FMN1: variants seen among roughly 807,000 people sequenced by gnomAD.
The protein encoded by FMN1 is formin-1.
Under a neutral mutation model 132.4 loss-of-function variants are expected in FMN1, and 110 were observed. The observed-to-expected ratio is 0.83, with a 90% CI of 0.71 to 0.97. The LOEUF (loss-of-function observed/expected upper bound fraction) is 0.97, where lower values mean the gene tolerates loss of function less well. Ranked by LOEUF, FMN1 falls within the 50% of genes least tolerant of loss-of-function variation. The pLI, the probability that FMN1 is intolerant of heterozygous loss-of-function variation, is 0.00. For synonymous variants in FMN1, 722 were observed against 651.7 expected, an observed-to-expected ratio of 1.11 and a Z score of -1.64; for missense variants, 1,792 against 1,705.3, an observed-to-expected ratio of 1.05 and a Z score of -0.90.
chr15:32,933,021 C>T (rs936348258), intron 9 of FMN1, among the ~76,000 whole-genome samples: 1 of 152,032 alleles, frequency 6.6e-6, no homozygotes, highest in African/African-American at 2.4e-5. Context: ...ATTTCTTTTA[C>T]TAACTTTGGG....
chr15:32,964,873 A>T (rs936621251), intron 8 of FMN1, among the ~76,000 whole-genome samples: 1 of 151,854 alleles, frequency 6.6e-6, no homozygotes, highest in Non-Finnish European at 1.5e-5. Flanking sequence ...CCAACCAAAA[A>T]CCTCCTCCAT....
At chr15:32,997,336 T>A (rs2033832781) in intron 7 of FMN1, among the ~76,000 whole-genome samples, 1 of 151,734 alleles carries the variant, frequency 6.6e-6, no homozygotes, top group African/African-American at 2.4e-5. Context: ...TTTTTTTTTT[T>A]AATCACATGG....
chr15:32,843,835 T>A (rs568713368), intron 17 of FMN1, among the ~76,000 whole-genome samples: 1 of 152,226 alleles, frequency 6.6e-6, no homozygotes, highest in Admixed American at 6.5e-5. Context: ...CTTCTAAATG[T>A]TGAGCACTCA....
intron 17 of FMN1, among the ~76,000 whole-genome samples, chr15:32,835,547 G>A (rs1211760938): frequency 6.6e-6 from 1 of 152,118 alleles, no homozygotes; most frequent in Non-Finnish European, 1.5e-5. Flanking sequence ...TCAAAAACTT[G>A]GCAGTTTTCT....
chr15:32,889,285 A>G (rs1371078324), intron 15 of FMN1, among the ~76,000 whole-genome samples: 1 of 152,184 alleles, frequency 6.6e-6, no homozygotes, highest in Non-Finnish European at 1.5e-5. Flanking sequence ...TGAGCCTCAA[A>G]TATCTTTTCC....
intron 15 of FMN1, among the ~76,000 whole-genome samples, chr15:32,889,242 G>C (rs1228102450): frequency 6.6e-6 from 1 of 152,212 alleles, no homozygotes; most frequent in Non-Finnish European, 1.5e-5. Flanking sequence ...TCTCAGCTGA[G>C]AAACATCTTG....
chr15:32,903,271 T>A (rs2060340632), intron 12 of FMN1, among the ~76,000 whole-genome samples: 1 of 152,252 alleles, frequency 6.6e-6, no homozygotes, highest in Non-Finnish European at 1.5e-5. Flanking sequence ...AATTATCTGA[T>A]GAAGTATAAA....
intron 9 of FMN1, among the ~76,000 whole-genome samples, chr15:32,936,597 C>T (rs1399278864): frequency 2.6e-5 from 4 of 151,460 alleles, no homozygotes; most frequent in Admixed American, 2.6e-4. Context: ...TGTCAAGTCC[C>T]ATGAACACAC....
At chr15:33,132,466 A>G (rs756521131) in intron 4 of FMN1, among the ~76,000 whole-genome samples, 21 of 152,168 alleles carry the variant, frequency 1.4e-4, no homozygotes, top group Non-Finnish European at 2.8e-4. Context: ...TTTCTTTCCA[A>G]TGTAGCCCAC....
chr15:33,030,121 G>A (rs965243933), intron 6 of FMN1, among the ~76,000 whole-genome samples: 22 of 152,238 alleles, frequency 1.4e-4, no homozygotes, highest in Non-Finnish European at 2.9e-5. Context: ...TTGCACCACT[G>A]CACTCCAGCC....
chr15:32,896,504 T>C (rs2060160395), intron 15 of FMN1, among the ~76,000 whole-genome samples: 1 of 152,120 alleles, frequency 6.6e-6, no homozygotes, highest in Non-Finnish European at 1.5e-5. Context: ...TTGTTAGCCA[T>C]GTGTATTATT....
At chr15:32,891,780 C>T (rs927443547) in intron 15 of FMN1, among the ~76,000 whole-genome samples, 2 of 151,912 alleles carry the variant, frequency 1.3e-5, no homozygotes, top group African/African-American at 4.8e-5. Flanking sequence ...AGGTATATTA[C>T]TATACACACA....
At position 33,104,522 on chromosome 15, in the gene FMN1, G is replaced by A. The variant is rs547987780; in HGVS notation, c.1868-15548C>T. 1.2e-3 allele frequency among the ~76,000 whole-genome samples: 186 copies of A among 152,162 alleles called. 1 individual carries two copies. Among genetic ancestry groups the A allele is most frequent in the African/African-American group, 4.4e-3 (181 of 41,528 alleles). Reference sequence around the variant, plus strand: ...ACCCTGGTATGTGGTTGGGGAAAATGATACAACAGAGGACTCACTCAGCAC... The same window carrying A: ...ACCCTGGTATGTGGTTGGGGAAAATAATACAACAGAGGACTCACTCAGCAC... On this transcript the variant is annotated intron_variant, in intron 4 of 20. Transcript: ENST00000616417.
intron 17 of FMN1, among the ~76,000 whole-genome samples, chr15:32,826,361 G>A (rs2058366560): frequency 6.6e-6 from 1 of 152,240 alleles, no homozygotes; most frequent in South Asian, 2.1e-4. Flanking sequence ...TGAAGGTGTT[G>A]AAAGACACTG....
intron 9 of FMN1, among the ~76,000 whole-genome samples, chr15:32,961,607 A>G (rs560696560): frequency 6.6e-6 from 1 of 152,196 alleles, no homozygotes; most frequent in Non-Finnish European, 1.5e-5. Flanking sequence ...AAAACAGGGA[A>G]ATGGTAGCCG....
chr15:33,086,717 A>T (rs2038711199), intron 5 of FMN1, among the ~76,000 whole-genome samples: 1 of 152,258 alleles, frequency 6.6e-6, no homozygotes, highest in Non-Finnish European at 1.5e-5. Flanking sequence ...TACTTTAAGC[A>T]TCTCTAAAGA....
intron 4 of FMN1, among the ~76,000 whole-genome samples, chr15:33,111,818 G>T (rs1429669919): frequency 6.6e-6 from 1 of 152,074 alleles, no homozygotes; most frequent in Non-Finnish European, 1.5e-5. Context: ...GACTTCTGAT[G>T]GTATGGGGGT....
intron 6 of FMN1, among the ~76,000 whole-genome samples, chr15:33,060,415 T>C (rs903287392): frequency 2.0e-5 from 3 of 152,352 alleles, no homozygotes; most frequent in Non-Finnish European, 2.9e-5. Flanking sequence ...TCTCATTTTA[T>C]AATGACGTAA....
chr15:32,939,502 T>C (rs1047497264), intron 9 of FMN1, among the ~76,000 whole-genome samples: 32 of 152,306 alleles, frequency 2.1e-4, no homozygotes, highest in African/African-American at 6.5e-4. Context: ...TTCTGAATGC[T>C]TTTTTAGAAT....
Sources: allele counts gnomAD v4.1 joint callset (sites outside exome capture counted in the v4.1 genomes callset), GRCh38; gene constraint gnomAD v4.1.1; transcripts MANE v1.5; gene names NCBI Gene and HGNC (gene_info 2026-07-23, HGNC 2026-07-21).